Variants in SNTB2 observed in about 807,000 individuals in gnomAD.
SNTB2 encodes the protein beta-2-syntrophin.
SNTB2 carries 34 observed loss-of-function variants against 46.2 expected under a neutral mutation model. That is an observed-to-expected ratio of 0.74 (90% confidence interval 0.56 to 0.98). The LOEUF (loss-of-function observed/expected upper bound fraction) is 0.98. SNTB2 is among the 50% of genes least tolerant of loss of function. The probability of loss-of-function intolerance (pLI) is 0.00; values close to 1 mark genes in which losing one functional copy is unlikely to be tolerated. For synonymous variants in SNTB2, 290 were observed against 312.6 expected, an observed-to-expected ratio of 0.93 and a Z score of 0.76; for missense variants, 603 against 731.4, an observed-to-expected ratio of 0.82 and a Z score of 2.02.
At chr16:69,259,934 A>G in intron 2 of SNTB2, 116 bp from the exon 3 acceptor site, 1 of 828,734 alleles carries the variant, frequency 1.2e-6, no homozygotes, top group Non-Finnish European at 2.0e-6. Context: ...ATTTGAGTAT[A>G]CAAATTTATT....
At chr16:69,266,751 C>T (rs867801352) in intron 3 of SNTB2, among the ~76,000 whole-genome samples, 1 of 152,214 alleles carries the variant, frequency 6.6e-6, no homozygotes, top group Non-Finnish European at 1.5e-5. Flanking sequence ...GGGTCTCACT[C>T]TGTTGCCCAG....
At chr16:69,195,163 T>A (rs1964091935) in intron 1 of SNTB2, among the ~76,000 whole-genome samples, 1 of 152,166 alleles carries the variant, frequency 6.6e-6, no homozygotes, top group African/African-American at 2.4e-5. Flanking sequence ...TCAACAAAAG[T>A]ATATAGAGCT....
chr16:69,281,285 G>A (rs1489584298), intron 4 of SNTB2, among the ~76,000 whole-genome samples: 1 of 150,724 alleles, frequency 6.6e-6, no homozygotes, highest in Non-Finnish European at 1.5e-5. Context: ...AGGCTGGAGT[G>A]CAATGGCGCG....
intron 1 of SNTB2, among the ~76,000 whole-genome samples, chr16:69,237,986 T>C (rs1393772825): frequency 6.6e-6 from 1 of 152,102 alleles, no homozygotes; most frequent in East Asian, 1.9e-4. Flanking sequence ...AATAGTGGAG[T>C]GTCTGCTTTC....
At chr16:69,286,180 G>T (rs1352828304) in intron 5 of SNTB2, among the ~76,000 whole-genome samples, 2 of 152,138 alleles carry the variant, frequency 1.3e-5, no homozygotes, top group Admixed American at 6.6e-5. Flanking sequence ...TCAACTCCTG[G>T]CTTCAAGCTA....
chr16:69,225,624 T>G (rs1482393572), intron 1 of SNTB2, among the ~76,000 whole-genome samples: 1 of 152,264 alleles, frequency 6.6e-6, no homozygotes, highest in African/African-American at 2.4e-5. Context: ...ATTTCTACTT[T>G]ATTAGTTGGC....
intron 1 of SNTB2, among the ~76,000 whole-genome samples, chr16:69,198,756 A>G (rs1241118977): frequency 6.6e-6 from 1 of 152,220 alleles, no homozygotes; most frequent in East Asian, 1.9e-4. Context: ...CATTATAAGC[A>G]GTATGTTTCT....
Position 69,304,312 on chromosome 16 carries a change from G to C in SNTB2, c.*3388G>C, listed in dbSNP as rs1166875437. ...GTAAACTCACCTCCCTAGTAGATAA[G>C]AGTTTCAGGTTAAATACTGGAACAT... On this transcript the variant is annotated 3_prime_UTR_variant, in exon 7 of 7. Transcript: ENST00000336278. 1 of 152,070 alleles carries C rather than the reference G, an allele frequency of 6.6e-6. No individual in the cohort carries two copies. The highest frequency in any genetic ancestry group is 1.5e-5 in the Non-Finnish European group (1 of 68,024). The allele number at this position is 152,070 out of a possible 1,614,324, so 9.4% of individuals were successfully genotyped here. A position where few individuals can be genotyped will look rare whatever the true frequency, so the allele number is the denominator to read the frequency against.
intron 1 of SNTB2, among the ~76,000 whole-genome samples, chr16:69,239,610 G>A (rs560772817): frequency 6.6e-6 from 1 of 152,014 alleles, no homozygotes; most frequent in African/African-American, 2.4e-5. Flanking sequence ...GTGCAGTGGC[G>A]CAATCTCAGC....
At chr16:69,244,635 T>G (rs1321187916) in intron 1 of SNTB2, among the ~76,000 whole-genome samples, 1 of 152,208 alleles carries the variant, frequency 6.6e-6, no homozygotes, top group East Asian at 1.9e-4. Context: ...TTAAAAAAGC[T>G]TCCTATCTAC....
intron 1 of SNTB2, among the ~76,000 whole-genome samples, chr16:69,220,269 C>T (rs1964389184): frequency 1.4e-5 from 2 of 144,854 alleles, no homozygotes; most frequent in African/African-American, 5.2e-5. Flanking sequence ...TCACGCCATT[C>T]TCCTGCCTCA....
chr16:69,239,811 C>T (rs1436423653), intron 1 of SNTB2, among the ~76,000 whole-genome samples: 1 of 152,152 alleles, frequency 6.6e-6, no homozygotes, highest in East Asian at 1.9e-4. Flanking sequence ...TCTCAAAGTG[C>T]TGGGATTACA....
intron 1 of SNTB2, among the ~76,000 whole-genome samples, chr16:69,217,845 C>G (rs1964363171): frequency 6.6e-6 from 1 of 152,048 alleles, no homozygotes; most frequent in African/African-American, 2.4e-5. Flanking sequence ...AGGAGTCTCT[C>G]AACTTATCCT....
In SNTB2 at chr16:69,227,551, C is replaced by G. The variant is rs376902069; in HGVS notation, c.581-18051C>G. ...TAATGGCTCTACACAAACCGCAACA[C>G]AGTTCTGAAGGGTGACTAGGAAAAA... On this transcript the variant is annotated intron_variant, in intron 1 of 6. Coordinates refer to ENST00000336278, the MANE Select transcript of SNTB2 (RefSeq NM_006750.4). 8.3e-4 allele frequency among the ~76,000 whole-genome samples: 126 copies of G among 152,334 alleles called. 1 individual carries two copies. In the South Asian group the frequency reaches 0.016, roughly 20 times the overall value.
intron 2 of SNTB2, among the ~76,000 whole-genome samples, chr16:69,254,655 T>C (rs1964756176): frequency 6.6e-6 from 1 of 152,108 alleles, no homozygotes; most frequent in South Asian, 2.1e-4. Flanking sequence ...CTTTACAAAA[T>C]ACATATCCAA....
At chr16:69,229,757 A>C (rs1418355413) in intron 1 of SNTB2, among the ~76,000 whole-genome samples, 2 of 138,926 alleles carry the variant, frequency 1.4e-5, no homozygotes, top group Non-Finnish European at 3.1e-5. Context: ...CAGGAGAATC[A>C]CTTGAACCCG....
At chr16:69,218,606 A>T (rs149866524) in intron 1 of SNTB2, among the ~76,000 whole-genome samples, 2 of 152,110 alleles carry the variant, frequency 1.3e-5, no homozygotes, top group East Asian at 3.9e-4. Context: ...TATTTTTAGT[A>T]GAGACGGGGT....
At chr16:69,245,548 T>C in intron 1 of SNTB2, 54 bp from the exon 2 acceptor site, 4 of 1,534,988 alleles carry the variant, frequency 2.6e-6, no homozygotes, top group Non-Finnish European at 1.8e-6. Flanking sequence ...TTAGTTATCA[T>C]TTATTATAGG....
intron 4 of SNTB2, among the ~76,000 whole-genome samples, chr16:69,273,905 A>G (rs1284649579): frequency 6.6e-6 from 1 of 152,216 alleles, no homozygotes; most frequent in Non-Finnish European, 1.5e-5. Context: ...AGTTAATACT[A>G]ATAAACTGCC....
Sources: gnomAD v4.1 joint callset for allele counts (sites outside exome capture counted in the v4.1 genomes callset) on GRCh38, gnomAD v4.1.1 for gene constraint, MANE v1.5 for transcripts, NCBI Gene and HGNC (gene_info 2026-07-23, HGNC 2026-07-21) for gene names.